The following CLTRN variants were observed in gnomAD, a reference collection of about 807,000 sequenced individuals.
CLTRN encodes the protein collectrin, amino acid transport regulator.
In CLTRN, 12 loss-of-function variants were observed where a neutral mutation model predicts 14.5. The observed-to-expected ratio is 0.83, with a 90% CI of 0.53 to 1.34. CLTRN has a LOEUF of 1.34. CLTRN is among the 40% of genes most tolerant of loss of function. The pLI, the probability that CLTRN is intolerant of heterozygous loss-of-function variation, is 0.00. For missense variants in CLTRN, 154 were observed against 165.1 expected (o/e 0.93, Z 0.37); for synonymous variants, 58 against 56.5 (o/e 1.03, Z -0.12).
chrX:15,656,979 C>G (rs971904440), intron 3 of CLTRN, among the ~76,000 whole-genome samples: 1 of 110,142 alleles, frequency 9.1e-6, no homozygotes, highest in African/African-American at 3.3e-5. Context: ...TTCACCAACC[C>G]GACATATATC....
At chrX:15,635,508 G>A (rs1928797452) in intron 5 of CLTRN, among the ~76,000 whole-genome samples, 2 of 112,275 alleles carry the variant, frequency 1.8e-5, no homozygotes, top group African/African-American at 6.5e-5. Context: ...CTTCAACAAA[G>A]ATGGCAAGAA....
intron 5 of CLTRN, among the ~76,000 whole-genome samples, chrX:15,629,738 T>C (rs747562079): frequency 4.6e-4 from 51 of 111,622 alleles, no homozygotes; most frequent in African/African-American, 1.5e-3. Context: ...GATATTCACA[T>C]GGTTTCAAGA....
chrX:15,673,693 G>GA (rs1411897659), intron 1 of CLTRN, among the ~76,000 whole-genome samples: 1 of 112,528 alleles, frequency 8.9e-6, no homozygotes, highest in Non-Finnish European at 1.9e-5. Context: ...CTTCAAAGCA[G>GA]AAATGGATGG....
upstream of CLTRN, chrX:15,675,553 G>A (rs771974564): frequency 4.3e-3 from 485 of 112,425 alleles, 2 homozygotes; most frequent in African/African-American, 0.015. Context: ...CAGGAGATGT[G>A]TAGCCAGAGC....
chrX:15,656,960 A>C (rs1251060048), intron 3 of CLTRN, among the ~76,000 whole-genome samples: 1 of 110,549 alleles, frequency 9.0e-6, no homozygotes, highest in East Asian at 2.8e-4. Flanking sequence ...CAAAAACCAC[A>C]ATTACTATTT....
intron 2 of CLTRN, among the ~76,000 whole-genome samples, chrX:15,662,551 GC>G (rs201526643): frequency 0.04 from 4,431 of 111,684 alleles, 205 homozygotes; most frequent in African/African-American, 0.13. Context: ...TTTTGCAACA[GC>G]AAAAACAAAT....
In CLTRN at chrX:15,659,245, T is replaced by C. The variant is rs1601735589; in HGVS notation, c.118-144A>G. ...ACACACACGTTTCTCATATATTAGATACTGGAGACCACGATAAATTATATC... is the reference window on the plus strand; with the variant it reads ...ACACACACGTTTCTCATATATTAGACACTGGAGACCACGATAAATTATATC... On this transcript the variant is annotated intron_variant, in intron 2 of 5. Coordinates refer to ENST00000380342, the MANE Select transcript of CLTRN (RefSeq NM_020665.6). The C allele has an allele frequency of 2.0e-5, 5 of 255,368 alleles. No individual in the cohort carries two copies. In the South Asian group the frequency reaches 3.8e-4, roughly 20 times the overall value. 21.0% of individuals were successfully genotyped at this position (255,368 alleles called of 1,213,427 possible).
intron 5 of CLTRN, among the ~76,000 whole-genome samples, chrX:15,637,674 A>G (rs1928849476): frequency 8.9e-6 from 1 of 112,155 alleles, no homozygotes; most frequent in African/African-American, 3.2e-5. Context: ...ACTAGCTGAA[A>G]GGCCAGCAAA....
At position 15,627,908 on chromosome X, in the gene CLTRN, G is replaced by C; in HGVS notation, c.*63C>G. The stretch of plus-strand genomic sequence containing the variant: ...TATATGATCTGCTCTTGGTATTTCA[G>C]GATGCTCAGCAGTCACACAGAAACA... On this transcript the variant is annotated 3_prime_UTR_variant, in exon 6 of 6. Transcript: ENST00000380342. 1.1e-6 allele frequency: 1 copy of C among 887,222 alleles called. No individual in the cohort carries two copies. 73.1% of individuals were successfully genotyped at this position (887,222 alleles called of 1,213,427 possible).
intron 3 of CLTRN, chrX:15,646,620 G>A (rs1044017212): frequency 5.0e-5 from 17 of 339,753 alleles, no homozygotes; most frequent in South Asian, 2.1e-4. Context: ...CTGGGACTAC[G>A]CCCGCATCCG....
chrX:15,632,438 C>T (rs368666233), intron 5 of CLTRN, among the ~76,000 whole-genome samples: 6 of 110,853 alleles, frequency 5.4e-5, no homozygotes, highest in South Asian at 3.8e-4. Context: ...ATTAGCCGGG[C>T]GTGGTGGCGC....
chrX:15,629,038 C>T (rs1252210095), intron 5 of CLTRN, among the ~76,000 whole-genome samples: 1 of 111,526 alleles, frequency 9.0e-6, no homozygotes. Context: ...GTGGGTGCCT[C>T]TAGGCAACCA....
intron 5 of CLTRN, among the ~76,000 whole-genome samples, chrX:15,637,471 T>C (rs1046314552): frequency 1.8e-5 from 2 of 112,217 alleles, no homozygotes; most frequent in Non-Finnish European, 3.8e-5. Flanking sequence ...TTGCTAATTA[T>C]TGATGCTCTC....
chrX:15,645,974 AC>A (rs1373369703), intron 3 of CLTRN, among the ~76,000 whole-genome samples: 3 of 113,072 alleles, frequency 2.7e-5, no homozygotes, highest in African/African-American at 9.6e-5. Flanking sequence ...CAAAGAGAGC[AC>A]CCTTCTGTCA....
At chrX:15,672,329 G>C (rs1030081323) in intron 1 of CLTRN, among the ~76,000 whole-genome samples, 4 of 111,788 alleles carry the variant, frequency 3.6e-5, no homozygotes, top group Admixed American at 2.9e-4. Context: ...TTGCTCAGGT[G>C]TAAGAGTTTT....
At chrX:15,673,766 A>G (rs954811008) in intron 1 of CLTRN, among the ~76,000 whole-genome samples, 1 of 112,484 alleles carries the variant, frequency 8.9e-6, no homozygotes, top group African/African-American at 3.2e-5. Context: ...GATTACTGGC[A>G]TATGTAGAAG....
chrX:15,656,110 A>G (rs1929354597), intron 3 of CLTRN, among the ~76,000 whole-genome samples: 1 of 111,975 alleles, frequency 8.9e-6, no homozygotes, highest in African/African-American at 3.2e-5. Context: ...TGATCCCCTT[A>G]GGGAATCCCT....
chrX:15,674,852 T>C lies in CLTRN; in HGVS notation c.-506+137A>G, dbSNP rs183823526. 318 of 112,113 alleles carry C rather than the reference T, an allele frequency of 2.8e-3. 1 individual carries two copies. Among genetic ancestry groups the C allele is most frequent in the Non-Finnish European group, 3.5e-3 (186 of 53,128 alleles). The allele number at this position is 112,113 out of a possible 1,213,427, so 9.2% of individuals were successfully genotyped here. ...TGGGAACCTAACGCGTGACCAGAAG[T>C]GAAGGTAGGTAAGTGCGCATGCGCA... On this transcript the variant is annotated intron_variant, in intron 1 of 6. Coordinates refer to the CLTRN transcript ENST00000650271.
intron 5 of CLTRN, among the ~76,000 whole-genome samples, chrX:15,631,698 T>C (rs1315944844): frequency 8.9e-6 from 1 of 112,477 alleles, no homozygotes; most frequent in Non-Finnish European, 1.9e-5. Flanking sequence ...CTGAGCTGTG[T>C]CAGTGGCAAA....
Sources: allele counts gnomAD v4.1 joint callset (sites outside exome capture counted in the v4.1 genomes callset), GRCh38; gene constraint gnomAD v4.1.1; transcripts MANE v1.5; gene names NCBI Gene and HGNC (gene_info 2026-07-23, HGNC 2026-07-21).